OLFML1: variants seen among roughly 807,000 people sequenced by gnomAD.
The protein encoded by OLFML1 is olfactomedin-like protein 1.
A neutral mutation model predicts 37.3 loss-of-function variants in OLFML1; 33 were observed. The observed-to-expected ratio is 0.88, with a 90% CI of 0.67 to 1.18. The LOEUF (loss-of-function observed/expected upper bound fraction) is 1.18, where lower values mean the gene tolerates loss of function less well. OLFML1 is among the 50% of genes most tolerant of loss of function. OLFML1 has a pLI of 0.00. For synonymous variants in OLFML1, 186 were observed against 181.3 expected (o/e 1.03, Z -0.21); for missense variants, 545 against 483.7 (o/e 1.13, Z -1.19).
At chr11:7,495,847 C>T (rs1162283487) in intron 2 of OLFML1, among the ~76,000 whole-genome samples, 2 of 152,216 alleles carry the variant, frequency 1.3e-5, no homozygotes, top group Non-Finnish European at 2.9e-5. Context: ...GAGAGTTCCA[C>T]ACAGCCCATC....
At chr11:7,496,463 G>C (rs1848663134) in intron 2 of OLFML1, among the ~76,000 whole-genome samples, 1 of 152,230 alleles carries the variant, frequency 6.6e-6, no homozygotes, top group South Asian at 2.1e-4. Flanking sequence ...TTTTGAGGAA[G>C]TATCACCAAA....
chr11:7,486,706 T>C (rs1351744855), intron 1 of OLFML1, among the ~76,000 whole-genome samples: 3 of 152,242 alleles, frequency 2.0e-5, no homozygotes, highest in African/African-American at 7.2e-5. Flanking sequence ...CTGGCATTGA[T>C]TATTCATACT....
chr11:7,510,038 G>T lies in OLFML1; in HGVS notation c.1059G>T (p.Glu353Asp). 1 of 1,614,204 alleles carries T rather than the reference G, an allele frequency of 6.2e-7. No homozygotes were observed. The highest frequency in any genetic ancestry group is 8.5e-7 in the Non-Finnish European group (1 of 1,180,038). Reference sequence around the variant, plus strand: ...ATGATCCACTGGGCACTATCAGTGAGGAGGACTTGCCCAACTTGTTCTTCC... The same window carrying T: ...ATGATCCACTGGGCACTATCAGTGATGAGGACTTGCCCAACTTGTTCTTCC... ...CIYDPLGTIS[E>D]EDLPNLFFPK... The change falls in exon 3 of 3, where the codon GAG becomes GAT. Residue 353 changes from glutamate (E) to aspartate (D), a missense_variant. Physicochemically the swap from Glu to Asp is conservative, Grantham distance 45. Transcript: ENST00000329293.
chr11:7,492,319 T>C (rs1457263409), intron 2 of OLFML1, among the ~76,000 whole-genome samples: 1 of 152,124 alleles, frequency 6.6e-6, no homozygotes, highest in Non-Finnish European at 1.5e-5. Flanking sequence ...CACCTTTCTG[T>C]GGGCAAAAAC....
chr11:7,509,901 T>A lies in OLFML1; in HGVS notation c.922T>A (p.Trp308Arg). The change falls in exon 3 of 3, where the codon TGG becomes AGG. Residue 308 changes from tryptophan to arginine, a missense_variant. Physicochemically the swap from Trp to Arg is moderately radical, Grantham distance 101. Coordinates refer to ENST00000329293, the MANE Select transcript of OLFML1 (RefSeq NM_198474.4). ...GGGCACACTGGGAGTGGAGCATTCA[T>A]GGGATACCCCATGCAGAAGCCAGGA... ...EPGTLGVEHSWDTPCRSQDAE... is the reference protein window; with the variant it reads ...EPGTLGVEHSRDTPCRSQDAE... 1 of 1,614,236 alleles carries A rather than the reference T, an allele frequency of 6.2e-7. No individual in the cohort carries two copies. Among genetic ancestry groups the A allele is most frequent in the African/African-American group, 1.3e-5 (1 of 75,072 alleles).
chr11:7,494,647 G>A (rs1257760638), intron 2 of OLFML1, among the ~76,000 whole-genome samples: 1 of 152,186 alleles, frequency 6.6e-6, no homozygotes, highest in Non-Finnish European at 1.5e-5. Flanking sequence ...GCTCAGAGGA[G>A]GTGCATTCTG....
rs1158772878 is a variant in OLFML1, at chr11:7,509,554, T to C, written c.575T>C (p.Ile192Thr). Residue 192 changes from isoleucine (I) to threonine (T), a missense_variant, in exon 3 of 3, where the codon ATA (isoleucine) becomes ACA (threonine). Physicochemically the swap from Ile to Thr is moderately conservative, Grantham distance 89. Transcript: ENST00000329293. ...AACACTGTTTGGGAATTTGCAAACA[T>C]ACGGGCATTCATGGAGGATAACACC... ...RNNTVWEFAN[I>T]RAFMEDNTKP... 1 of 1,614,206 alleles carries C rather than the reference T, an allele frequency of 6.2e-7. No individual in the cohort carries two copies. The highest frequency in any genetic ancestry group is 1.1e-5 in the South Asian group (1 of 91,086).
At position 7,488,272 on chromosome 11, in the gene OLFML1, T is replaced by C. The variant is rs1310443604; in HGVS notation, c.275T>C (p.Val92Ala). The change falls in exon 2 of 3, where the codon GTT (valine) becomes GCT (alanine). Residue 92 changes from valine (V) to alanine (A), a missense_variant. Transcript: ENST00000329293. ...KSAVGNLALRVERAQREIDYI... is the reference protein window; with the variant it reads ...KSAVGNLALRAERAQREIDYI... ...GCAGTGGGTAACTTGGCACTGAGAGTTGAACGTGCCCAACGGGAGATTGAC... is the reference window on the plus strand; with the variant it reads ...GCAGTGGGTAACTTGGCACTGAGAGCTGAACGTGCCCAACGGGAGATTGAC... 1.9e-6 allele frequency: 3 copies of C among 1,613,768 alleles called. No homozygotes were observed. Among genetic ancestry groups the C allele is most frequent in the East Asian group, 4.5e-5 (2 of 44,854 alleles).
At chr11:7,496,963 T>A (rs1397667139) in intron 2 of OLFML1, among the ~76,000 whole-genome samples, 2 of 152,132 alleles carry the variant, frequency 1.3e-5, no homozygotes, top group Non-Finnish European at 2.9e-5. Context: ...CTGGAAGGTC[T>A]AGGCTGCAGT....
chr11:7,488,511 G>C, intron 2 of OLFML1, 96 bp downstream of exon 2: 1 of 988,362 alleles, frequency 1.0e-6, no homozygotes, highest in East Asian at 2.6e-5. Flanking sequence ...AGAGTAATGA[G>C]AGTAAGAATT....
chr11:7,509,297 G>T (rs1848823419), intron 2 of OLFML1, 101 bp from the exon 3 acceptor site: 3 of 836,850 alleles, frequency 3.6e-6, no homozygotes, highest in Non-Finnish European at 5.7e-6. Context: ...ATCAGTATTA[G>T]ACCTGAAAGG....
In OLFML1 at chr11:7,485,742, T is replaced by C; in HGVS notation, c.-134T>C. 1 of 884,940 alleles carries C rather than the reference T, an allele frequency of 1.1e-6. No individual in the cohort carries two copies. The allele number at this position is 884,940 out of a possible 1,614,324, so 54.8% of individuals were successfully genotyped here. On this transcript the variant is annotated 5_prime_UTR_variant, in exon 1 of 3. Transcript: ENST00000329293. ...GTGGAATAACAAGCGGACTTTGCTC[T>C]CTGCTGTGCAAAACGCTGTTTTTAG... is the stretch of plus-strand genomic sequence containing the variant.
intron 2 of OLFML1, among the ~76,000 whole-genome samples, chr11:7,508,759 T>C (rs1848815556): frequency 6.6e-6 from 1 of 152,208 alleles, no homozygotes; most frequent in Non-Finnish European, 1.5e-5. Flanking sequence ...TAGAAGATAA[T>C]CTCGAGGTTT....
chr11:7,493,670 A>C (rs1453680377), intron 2 of OLFML1, among the ~76,000 whole-genome samples: 1 of 152,226 alleles, frequency 6.6e-6, no homozygotes, highest in Admixed American at 6.5e-5. Flanking sequence ...AGAAAGGCCC[A>C]CGTACATAGC....
At chr11:7,505,224 G>A (rs185407449) in intron 2 of OLFML1, among the ~76,000 whole-genome samples, 1 of 151,812 alleles carries the variant, frequency 6.6e-6, no homozygotes, top group Admixed American at 6.6e-5. Context: ...GTGAGCCACG[G>A]TGCCTGGTCC....
intron 1 of OLFML1, among the ~76,000 whole-genome samples, chr11:7,487,383 T>C (rs1848536459): frequency 6.6e-6 from 1 of 152,234 alleles, no homozygotes; most frequent in Non-Finnish European, 1.5e-5. Flanking sequence ...CTTTCTCCCT[T>C]CAAAATAAAC....
intron 1 of OLFML1, among the ~76,000 whole-genome samples, chr11:7,487,086 C>T (rs147872228): frequency 6.6e-6 from 1 of 152,340 alleles, no homozygotes; most frequent in Admixed American, 6.5e-5. Flanking sequence ...CAAATCCCTG[C>T]AAATTGTCTT....
chr11:7,509,587 C>A lies in OLFML1; in HGVS notation c.608C>A (p.Ala203Asp). The change falls in exon 3 of 3, where the codon GCT becomes GAT. Residue 203 changes from alanine to aspartate, a missense_variant. Coordinates refer to ENST00000329293, the MANE Select transcript of OLFML1 (RefSeq NM_198474.4). ...TTCATGGAGGATAACACCAAGCCAG[C>A]TCCCCGGAAGCAAATCCTAACACTT... Reference protein sequence around the residue: ...RAFMEDNTKPAPRKQILTLSW... With the variant: ...RAFMEDNTKPDPRKQILTLSW... The A allele has an allele frequency of 6.2e-7, 1 of 1,614,190 alleles. No individual in the cohort carries two copies. The highest frequency in any genetic ancestry group is 8.5e-7 in the Non-Finnish European group (1 of 1,180,024).
At chr11:7,500,482 C>A (rs1848707539) in intron 2 of OLFML1, among the ~76,000 whole-genome samples, 1 of 152,190 alleles carries the variant, frequency 6.6e-6, no homozygotes, top group African/African-American at 2.4e-5. Context: ...GGGGTCCTGA[C>A]TGGCTGCCTC....
Sources: allele counts gnomAD v4.1 joint callset (sites outside exome capture counted in the v4.1 genomes callset), GRCh38; gene constraint gnomAD v4.1.1; transcripts MANE v1.5; gene names NCBI Gene and HGNC (gene_info 2026-07-23, HGNC 2026-07-21).